The following TRHDE variants were observed in gnomAD, a reference collection of about 807,000 sequenced individuals.
The protein encoded by TRHDE is thyrotropin releasing hormone degrading enzyme, also known as thyrotropin-releasing hormone-degrading ectoenzyme.
In TRHDE, 72 loss-of-function variants were observed where a neutral mutation model predicts 125.7. The ratio of observed to expected loss-of-function variants is 0.57; its 90% CI spans 0.47 to 0.70. The LOEUF is 0.70. Ranked by LOEUF, TRHDE falls within the 30% of genes least tolerant of loss-of-function variation. The pLI, the probability that TRHDE is intolerant of heterozygous loss-of-function variation, is 0.00. For missense variants in TRHDE, 1,110 were observed against 1,327.1 expected (o/e 0.84, Z 2.54); for synonymous variants, 509 against 509.1 (o/e 1.00, Z 0.00).
chr12:72,192,780 A>G (rs1391419097), intron 2 of TRHDE, among the ~76,000 whole-genome samples: 1 of 152,128 alleles, frequency 6.6e-6, no homozygotes, highest in Non-Finnish European at 1.5e-5. Flanking sequence ...AGTGCTGTAT[A>G]TAGTAAGTGC....
intron 2 of TRHDE, among the ~76,000 whole-genome samples, chr12:72,295,352 G>T (rs1328175518): frequency 6.6e-6 from 1 of 152,178 alleles, no homozygotes; most frequent in Non-Finnish European, 1.5e-5. Context: ...GATGCAGCCA[G>T]TGTGATGGCA....
At chr12:72,192,328 A>G (rs1877357377) in intron 2 of TRHDE, among the ~76,000 whole-genome samples, 1 of 152,152 alleles carries the variant, frequency 6.6e-6, no homozygotes, top group Admixed American at 6.6e-5. Flanking sequence ...AATAAGAAGC[A>G]ATTTTAAGCC....
At chr12:72,139,596 C>G (rs936114915) in intron 2 of TRHDE, among the ~76,000 whole-genome samples, 6 of 151,958 alleles carry the variant, frequency 3.9e-5, no homozygotes, top group Non-Finnish European at 8.8e-5. Flanking sequence ...TTAGGAATGA[C>G]ACAGGTGGTA....
rs896304581 is a variant in TRHDE, at chr12:72,199,776, G to T, written n.279+94024G>T. 2.6e-5 allele frequency among the ~76,000 whole-genome samples: 4 copies of T among 152,158 alleles called. No individual in the cohort carries two copies. The South Asian group carries it at 6.2e-4, about 24-fold the overall frequency. On this transcript the variant is annotated intron_variant and non_coding_transcript_variant, in intron 2 of 4. Transcript: ENST00000548156. ...TCATTATTCATTCAGTGAATTAGGG[G>T]CTTGCCATTTAGTTCTTGCATTATG...
chr12:72,329,424 A>T (rs1017529355), intron 2 of TRHDE, among the ~76,000 whole-genome samples: 1 of 152,146 alleles, frequency 6.6e-6, no homozygotes, highest in African/African-American at 2.4e-5. Context: ...GAAATCAGAG[A>T]TTTACTCTGA....
intron 6 of TRHDE, among the ~76,000 whole-genome samples, chr12:72,509,743 G>C (rs1049006959): frequency 6.6e-6 from 1 of 152,122 alleles, no homozygotes; most frequent in African/African-American, 2.4e-5. Flanking sequence ...TAAAGGCAGA[G>C]ATCTATGTCT....
At chr12:72,159,411 C>T (rs1325025349) in intron 2 of TRHDE, among the ~76,000 whole-genome samples, 1 of 152,186 alleles carries the variant, frequency 6.6e-6, no homozygotes, top group African/African-American at 2.4e-5. Context: ...GACCCAGCCA[C>T]ATGAATTCTT....
intron 5 of TRHDE, among the ~76,000 whole-genome samples, chr12:72,475,367 C>CT (rs1404686720): frequency 6.6e-6 from 1 of 151,962 alleles, no homozygotes; most frequent in Admixed American, 6.6e-5. Context: ...ATAGGTGTTG[C>CT]TTTTTTTAGC....
intron 2 of TRHDE, among the ~76,000 whole-genome samples, chr12:72,265,654 G>T (rs1879050962): frequency 6.6e-6 from 1 of 151,386 alleles, no homozygotes; most frequent in African/African-American, 2.4e-5. Context: ...TTTTTCCATA[G>T]TTTGAAAGTA....
intron 2 of TRHDE, among the ~76,000 whole-genome samples, chr12:72,266,253 C>T (rs868754566): frequency 2.0e-5 from 3 of 151,840 alleles, no homozygotes; most frequent in East Asian, 1.9e-4. Flanking sequence ...TTATCTATTG[C>T]GCCTTTGAAG....
intron 2 of TRHDE, among the ~76,000 whole-genome samples, chr12:72,231,076 T>C (rs1488941938): frequency 1.3e-5 from 2 of 152,176 alleles, no homozygotes; most frequent in Non-Finnish European, 2.9e-5. Flanking sequence ...TCAGAATTAA[T>C]TCACATACTA....
intron 2 of TRHDE, among the ~76,000 whole-genome samples, chr12:72,185,673 G>T (rs994682729): frequency 3.3e-5 from 5 of 151,828 alleles, no homozygotes; most frequent in African/African-American, 1.2e-4. Flanking sequence ...CTCAGGGATT[G>T]TAAATACACC....
intron 2 of TRHDE, among the ~76,000 whole-genome samples, chr12:72,198,118 A>C (rs1323400708): frequency 6.6e-6 from 1 of 152,114 alleles, no homozygotes; most frequent in Non-Finnish European, 1.5e-5. Flanking sequence ...TTCAAGATTC[A>C]TTCATCTTAT....
chr12:72,635,258 G>A (rs1352899451), intron 15 of TRHDE, among the ~76,000 whole-genome samples: 3 of 152,202 alleles, frequency 2.0e-5, no homozygotes, highest in South Asian at 2.1e-4. Flanking sequence ...GCCAGTGATG[G>A]TGAGCATTTT....
chr12:72,460,217 A>G (rs1395155706), intron 3 of TRHDE, among the ~76,000 whole-genome samples: 4 of 152,236 alleles, frequency 2.6e-5, no homozygotes, highest in African/African-American at 9.6e-5. Context: ...GTGTTTCAAC[A>G]ATAACACTCA....
chr12:72,375,917 G>T (rs983143727), intron 2 of TRHDE, among the ~76,000 whole-genome samples: 1 of 152,202 alleles, frequency 6.6e-6, no homozygotes, highest in East Asian at 1.9e-4. Context: ...TGTTGTTGGT[G>T]CACAGACAGA....
At chr12:72,239,126 A>G (rs140253934) in intron 2 of TRHDE, among the ~76,000 whole-genome samples, 1 of 152,106 alleles carries the variant, frequency 6.6e-6, no homozygotes. Context: ...TTTGATCTGC[A>G]TTTCTCTGAT....
intron 2 of TRHDE, among the ~76,000 whole-genome samples, chr12:72,309,963 C>T (rs540634855): frequency 3.9e-5 from 6 of 152,230 alleles, no homozygotes; most frequent in South Asian, 2.1e-4. Flanking sequence ...AACAGTGAAA[C>T]GCTGATCATT....
intron 2 of TRHDE, among the ~76,000 whole-genome samples, chr12:72,172,906 C>A (rs1170741528): frequency 6.6e-6 from 1 of 152,160 alleles, no homozygotes; most frequent in Non-Finnish European, 1.5e-5. Context: ...TTGCAGATCT[C>A]TTTTATGTGT....
Sources: gnomAD v4.1 joint callset for allele counts (sites outside exome capture counted in the v4.1 genomes callset) on GRCh38, gnomAD v4.1.1 for gene constraint, MANE v1.5 for transcripts, NCBI Gene and HGNC (gene_info 2026-07-23, HGNC 2026-07-21) for gene names.